Variants in EPB41L1 observed in about 807,000 individuals in gnomAD.
EPB41L1 encodes the protein band 4.1-like protein 1.
EPB41L1 carries 29 observed loss-of-function variants against 97.8 expected under a neutral mutation model. That is an observed-to-expected ratio of 0.30 (90% confidence interval 0.22 to 0.40). EPB41L1 has a LOEUF of 0.40. Among genes scored for constraint, EPB41L1 ranks in the 10% least tolerant of loss-of-function variants. The pLI is 1.00. For synonymous variants in EPB41L1, 383 were observed against 459.2 expected, an observed-to-expected ratio of 0.83 and a Z score of 2.12; for missense variants, 812 against 1,162.3, an observed-to-expected ratio of 0.70 and a Z score of 4.38.
intron 2 of EPB41L1, among the ~76,000 whole-genome samples, chr20:36,149,189 A>G (rs1467548571): frequency 1.3e-5 from 2 of 152,164 alleles, no homozygotes; most frequent in African/African-American, 4.8e-5. Flanking sequence ...CAGAGAGGCT[A>G]AGGCCTTGCT....
chr20:36,121,909 C>T (rs868529820), intron 2 of EPB41L1: 1 of 152,274 alleles, frequency 6.6e-6, no homozygotes, highest in Non-Finnish European at 1.5e-5. Context: ...GCCCCTGAAA[C>T]TACGCACTTA....
chr20:36,210,766 C>T (rs1022128144), intron 15 of EPB41L1, among the ~76,000 whole-genome samples: 3 of 152,202 alleles, frequency 2.0e-5, no homozygotes, highest in African/African-American at 7.2e-5. Context: ...TATGCTCCAG[C>T]ACTATCCAAA....
chr20:36,102,006 AAAAACAAAACAAAAC>A (rs202030350), intron 1 of EPB41L1, among the ~76,000 whole-genome samples: 6 of 137,564 alleles, frequency 4.4e-5, no homozygotes, highest in Admixed American at 2.1e-4. Context: ...CTCTGTCTCA[AAAAACAAAACAAAAC>A]AAAACAAAAC....
At chr20:36,196,881 G>A (rs1340289240) in intron 13 of EPB41L1, among the ~76,000 whole-genome samples, 6 of 152,188 alleles carry the variant, frequency 3.9e-5, no homozygotes, top group South Asian at 2.1e-4. Context: ...CACAAAGCTC[G>A]TCCTCCCTTG....
In EPB41L1 at chr20:36,221,660, G is replaced by A. The variant is rs577052445; in HGVS notation, c.2440-204G>A. Among the ~76,000 whole-genome samples, 6 of 152,318 alleles carry A rather than the reference G, an allele frequency of 3.9e-5. No homozygotes were observed. The East Asian group carries it at 1.2e-3, about 29-fold the overall frequency. On this transcript the variant is annotated intron_variant, in intron 19 of 21. Coordinates refer to ENST00000338074, the MANE Select transcript of EPB41L1 (RefSeq NM_012156.2). ...TTGGAAGACCTAGATGGGATAGTTT[G>A]GTAGTTTTGGGGAGTGGTGGCAACC...
chr20:36,146,096 T>TC (rs1321457622), intron 2 of EPB41L1, among the ~76,000 whole-genome samples: 2 of 152,332 alleles, frequency 1.3e-5, no homozygotes, highest in South Asian at 2.1e-4. Context: ...TCCTCTGAAC[T>TC]CCCCAACACT....
At chr20:36,127,545 T>G (rs1480657142) in intron 2 of EPB41L1, among the ~76,000 whole-genome samples, 1 of 152,220 alleles carries the variant, frequency 6.6e-6, no homozygotes, top group Non-Finnish European at 1.5e-5. Context: ...GGGCAGCATC[T>G]GCCCCAGGCC....
chr20:36,127,898 T>G (rs1432395723), intron 2 of EPB41L1, among the ~76,000 whole-genome samples: 1 of 151,966 alleles, frequency 6.6e-6, no homozygotes, highest in Non-Finnish European at 1.5e-5. Context: ...GTAGGAAAAA[T>G]TGTGCTCCCT....
intron 14 of EPB41L1, among the ~76,000 whole-genome samples, chr20:36,200,418 C>G (rs539991054): frequency 6.6e-6 from 1 of 152,212 alleles, no homozygotes; most frequent in African/African-American, 2.4e-5. Flanking sequence ...TATTGTTGGG[C>G]CTCATCTGGG....
intron 19 of EPB41L1, among the ~76,000 whole-genome samples, chr20:36,221,454 AC>A: frequency 6.6e-6 from 1 of 152,062 alleles, no homozygotes; most frequent in East Asian, 1.9e-4. Flanking sequence ...CAAAATACAG[AC>A]CCTGCCTTCA....
intron 7 of EPB41L1, among the ~76,000 whole-genome samples, 154 bp downstream of exon 7, chr20:36,185,489 T>G (rs1343972426): frequency 1.3e-5 from 2 of 152,340 alleles, no homozygotes; most frequent in South Asian, 4.1e-4. Flanking sequence ...AAATCATCTC[T>G]GTAAATAGGA....
chr20:36,209,074 T>C lies in EPB41L1; in HGVS notation c.1669-414T>C, dbSNP rs2062984934. Among the ~76,000 whole-genome samples the C allele has an allele frequency of 6.6e-6, 1 of 152,184 alleles. No homozygotes were observed. Among genetic ancestry groups the C allele is most frequent in the African/African-American group, 2.4e-5 (1 of 41,442 alleles). The stretch of plus-strand genomic sequence containing the variant: ...CTGGGTCTCCCTGAATCCCTGGATC[T>C]CCCTCCTTAGTTTCTGTTTCTCAAC... On this transcript the variant is annotated intron_variant, in intron 14 of 21. Transcript: ENST00000338074. This position sits in a 1 kb window ranked among gnomAD's most constrained non-coding sequence, Gnocchi z 4.2.
At chr20:36,159,907 A>C (rs1287116354) in intron 1 of EPB41L1, among the ~76,000 whole-genome samples, 1 of 152,206 alleles carries the variant, frequency 6.6e-6, no homozygotes, top group African/African-American at 2.4e-5. Context: ...TGTAATGTGG[A>C]TAGTCCAAGT....
upstream of EPB41L1, among the ~76,000 whole-genome samples, chr20:36,154,292 A>G (rs1285789145): frequency 6.6e-6 from 1 of 152,072 alleles, no homozygotes; most frequent in East Asian, 1.9e-4. The surrounding 1 kb of genome is among the most constrained non-coding windows in gnomAD (Gnocchi z 5.5). Flanking sequence ...TGAGTCAGGC[A>G]TGCATCCCCC....
At chr20:36,102,636 T>A (rs2058056496) in intron 1 of EPB41L1, among the ~76,000 whole-genome samples, 1 of 152,192 alleles carries the variant, frequency 6.6e-6, no homozygotes, top group South Asian at 2.1e-4. Flanking sequence ...AAGTTCTTTG[T>A]CCTTTTCCTT....
At position 36,212,184 on chromosome 20, in the gene EPB41L1, A is replaced by G; in HGVS notation, c.2080-88A>G. On this transcript the variant is annotated intron_variant, in intron 15 of 21. Coordinates refer to ENST00000338074, the MANE Select transcript of EPB41L1 (RefSeq NM_012156.2). This position sits in a 1 kb window ranked among gnomAD's most constrained non-coding sequence, Gnocchi z 4.8. ...GTGGCCAGCTGTGGGGATAGGAGATAGCCTGCAGACACCACACTGCAATTG... is the reference window on the plus strand; with the variant it reads ...GTGGCCAGCTGTGGGGATAGGAGATGGCCTGCAGACACCACACTGCAATTG... 6 of 1,236,488 alleles carry G rather than the reference A, an allele frequency of 4.9e-6. No individual in the cohort carries two copies. Among genetic ancestry groups the G allele is most frequent in the African/African-American group, 1.5e-5 (1 of 67,868 alleles). 76.6% of individuals were successfully genotyped at this position (1,236,488 alleles called of 1,614,324 possible). A position where few individuals can be genotyped will look rare whatever the true frequency, so the allele number is the denominator to read the frequency against.
rs2146918960 is a variant in EPB41L1 at position 36,214,444 on chromosome 20, A to C, written c.2268+4A>C. 1 of 1,611,650 alleles carries C rather than the reference A, an allele frequency of 6.2e-7. No individual in the cohort carries two copies. The highest frequency in any genetic ancestry group is 1.1e-5 in the South Asian group (1 of 90,782). On this transcript the variant is annotated splice_donor_region_variant and intron_variant, in intron 17 of 21. Transcript: ENST00000338074. ...GGAGACCATATCGACCACCATGGTA[A>C]GTTGAACCCAGGAGGCTTCCCTCTC...
At position 36,231,518 on chromosome 20, in the gene EPB41L1, C is replaced by CT. The variant is rs1569412823; in HGVS notation, c.*2179dup. On this transcript the variant is annotated 3_prime_UTR_variant, in exon 22 of 22. Coordinates refer to ENST00000338074, the MANE Select transcript of EPB41L1 (RefSeq NM_012156.2). ...GCCCATCTGAGAGCATCTCCCCACT[C>CT]TCGCCAACCTATCGGGGCATAGCCC... 1 of 152,316 alleles carries CT rather than the reference C, an allele frequency of 6.6e-6. No individual in the cohort carries two copies. The highest frequency in any genetic ancestry group is 1.5e-5 in the Non-Finnish European group (1 of 68,080). The allele number at this position is 152,316 out of a possible 1,614,324, so 9.4% of individuals were successfully genotyped here.
intron 19 of EPB41L1, among the ~76,000 whole-genome samples, chr20:36,221,494 G>A (rs1426149203): frequency 6.6e-6 from 1 of 152,174 alleles, no homozygotes; most frequent in East Asian, 1.9e-4. Flanking sequence ...AGGTGAACAA[G>A]GCCACAGACA....
Sources: gnomAD v4.1 joint callset for allele counts (sites outside exome capture counted in the v4.1 genomes callset) on GRCh38, gnomAD v4.1.1 for gene constraint, Gnocchi (gnomAD v3.1) non-coding constraint, MANE v1.5 for transcripts, NCBI Gene and HGNC (gene_info 2026-07-23, HGNC 2026-07-21) for gene names.